NDUFB3: variants seen among roughly 807,000 people sequenced by gnomAD.
NDUFB3 encodes NADH dehydrogenase [ubiquinone] 1 beta subcomplex subunit 3.
NDUFB3 carries 7 observed loss-of-function variants against 9.0 expected under a neutral mutation model. That is an observed-to-expected ratio of 0.78 (90% CI 0.44 to 1.46). The LOEUF is 1.46. Ranked by LOEUF, NDUFB3 falls within the 40% of genes most tolerant of loss-of-function variation. The probability of loss-of-function intolerance (pLI) is 0.01; values close to 1 mark genes in which losing one functional copy is unlikely to be tolerated. For missense variants in NDUFB3, 93 were observed against 115.4 expected, an observed-to-expected ratio of 0.81 and a Z score of 0.89; for synonymous variants, 29 against 38.5, an observed-to-expected ratio of 0.75 and a Z score of 0.91.
chr2:201,077,031 C>T (rs184127907), intron 1 of NDUFB3, among the ~76,000 whole-genome samples: 217 of 151,780 alleles, frequency 1.4e-3, no homozygotes, highest in Middle Eastern at 3.4e-3. Flanking sequence ...ACCCAGGAGG[C>T]GGAGGTTGCA....
chr2:201,078,551 G>A (rs552199011), intron 1 of NDUFB3, among the ~76,000 whole-genome samples: 3 of 152,104 alleles, frequency 2.0e-5, no homozygotes, highest in Admixed American at 2.0e-4. Flanking sequence ...TTGTTTTAGA[G>A]GTATTGGAGT....
intron 1 of NDUFB3, among the ~76,000 whole-genome samples, chr2:201,074,364 A>C (rs548565920): frequency 6.1e-4 from 93 of 152,190 alleles, no homozygotes; most frequent in African/African-American, 2.1e-3. Context: ...CCACATTTCA[A>C]GTGCTAGTGG....
rs1031463402 is a variant in NDUFB3 at position 201,085,677 on chromosome 2, T to G, written c.*62T>G. Reference sequence around the variant, plus strand: ...TCTCCAAAATAAGATTTCTTCTCTGTAGCCTACTTGTCTGGTTTATCCCTT... The same window carrying G: ...TCTCCAAAATAAGATTTCTTCTCTGGAGCCTACTTGTCTGGTTTATCCCTT... On this transcript the variant is annotated 3_prime_UTR_variant, in exon 3 of 3. Coordinates refer to ENST00000237889, the MANE Select transcript of NDUFB3 (RefSeq NM_002491.3). The G allele has an allele frequency of 1.4e-6, 2 of 1,443,110 alleles. No homozygotes were observed. Among genetic ancestry groups the G allele is most frequent in the Admixed American group, 4.1e-5 (2 of 49,254 alleles). 89.4% of individuals were successfully genotyped at this position (1,443,110 alleles called of 1,614,324 possible). A position where few individuals can be genotyped will look rare whatever the true frequency, so the allele number is the denominator to read the frequency against.
chr2:201,074,280 A>T, intron 1 of NDUFB3, among the ~76,000 whole-genome samples: 1 of 151,904 alleles, frequency 6.6e-6, no homozygotes, highest in South Asian at 2.1e-4. Flanking sequence ...ATTTTCTAAT[A>T]ACGATTTGAT....
chr2:201,077,634 C>T (rs1360763472), intron 1 of NDUFB3, among the ~76,000 whole-genome samples: 3 of 152,172 alleles, frequency 2.0e-5, no homozygotes, highest in Non-Finnish European at 2.9e-5. Flanking sequence ...CTTTGAGCTC[C>T]AGTTAAGTAG....
intron 1 of NDUFB3, 170 bp downstream of exon 1, chr2:201,072,229 A>C (rs1299005808): frequency 6.6e-6 from 1 of 152,224 alleles, no homozygotes; most frequent in African/African-American, 2.4e-5. Context: ...TTGGGGTAGG[A>C]AGAGGTGGTT....
intron 2 of NDUFB3, among the ~76,000 whole-genome samples, chr2:201,079,287 G>A (rs2047198898): frequency 6.6e-6 from 1 of 152,124 alleles, no homozygotes; most frequent in Non-Finnish European, 1.5e-5. Flanking sequence ...TGGGATTACA[G>A]GCACGCGCCA....
chr2:201,080,737 C>T (rs2047213189), intron 2 of NDUFB3, among the ~76,000 whole-genome samples: 1 of 131,114 alleles, frequency 7.6e-6, no homozygotes, highest in South Asian at 2.6e-4. Context: ...CAGAGTCTCA[C>T]TCTGTCACCC....
intron 2 of NDUFB3, among the ~76,000 whole-genome samples, chr2:201,083,934 T>A (rs1437751446): frequency 6.6e-6 from 1 of 152,084 alleles, no homozygotes; most frequent in Non-Finnish European, 1.5e-5. Flanking sequence ...GGCAGGCGGA[T>A]CACTTAAGGC....
intron 1 of NDUFB3, among the ~76,000 whole-genome samples, chr2:201,076,484 AATATATATATATATAT>A (rs561737388): frequency 2.5e-5 from 3 of 120,116 alleles, no homozygotes; most frequent in Non-Finnish European, 5.3e-5. Context: ...TCTATCTTTA[AATATATATATATATAT>A]ATATATATAT....
At chr2:201,074,282 C>G (rs201251422) in intron 1 of NDUFB3, among the ~76,000 whole-genome samples, 1 of 151,698 alleles carries the variant, frequency 6.6e-6, no homozygotes, top group South Asian at 2.1e-4. Context: ...TTTCTAATAA[C>G]GATTTGATCA....
At chr2:201,077,220 C>G (rs750513825) in intron 1 of NDUFB3, among the ~76,000 whole-genome samples, 1 of 151,926 alleles carries the variant, frequency 6.6e-6, no homozygotes, top group Non-Finnish European at 1.5e-5. Flanking sequence ...TATAGAATTG[C>G]TACTGCTTGC....
chr2:201,084,163 G>A (rs552292299), intron 2 of NDUFB3, among the ~76,000 whole-genome samples: 9 of 152,182 alleles, frequency 5.9e-5, no homozygotes, highest in East Asian at 1.9e-4. Flanking sequence ...GGTGGTGTGC[G>A]CCTATAATCC....
intron 1 of NDUFB3, among the ~76,000 whole-genome samples, chr2:201,076,484 AATATATATAT>A (rs561737388): frequency 1.5e-4 from 18 of 120,116 alleles, no homozygotes; most frequent in Admixed American, 6.8e-4. Flanking sequence ...TCTATCTTTA[AATATATATAT>A]ATATATATAT....
At chr2:201,072,752 G>GTA (rs2047099523) in intron 1 of NDUFB3, among the ~76,000 whole-genome samples, 1 of 151,984 alleles carries the variant, frequency 6.6e-6, no homozygotes, top group Non-Finnish European at 1.5e-5. Context: ...TTATTGTCAA[G>GTA]TATATATACA....
intron 1 of NDUFB3, among the ~76,000 whole-genome samples, chr2:201,075,609 T>C (rs2047156194): frequency 6.7e-6 from 1 of 149,972 alleles, no homozygotes. Context: ...TAAATTCCTA[T>C]GAAAAGGATA....
At chr2:201,072,658 A>G (rs573861120) in intron 1 of NDUFB3, among the ~76,000 whole-genome samples, 1 of 152,238 alleles carries the variant, frequency 6.6e-6, no homozygotes, top group Non-Finnish European at 1.5e-5. Context: ...CCTTACTGTT[A>G]TTATTTGAGC....
At chr2:201,083,013 G>A (rs1166023426) in intron 2 of NDUFB3, among the ~76,000 whole-genome samples, 2 of 152,096 alleles carry the variant, frequency 1.3e-5, no homozygotes, top group East Asian at 1.9e-4. Context: ...GCGCCCGGCC[G>A]CTAAATTCAC....
chr2:201,074,887 G>C (rs1413084500), intron 1 of NDUFB3, among the ~76,000 whole-genome samples: 1 of 152,126 alleles, frequency 6.6e-6, no homozygotes, highest in East Asian at 1.9e-4. Context: ...TGCAAGGTAG[G>C]TTTTATCTTC....
Sources: allele counts gnomAD v4.1 joint callset (sites outside exome capture counted in the v4.1 genomes callset), GRCh38; gene constraint gnomAD v4.1.1; transcripts MANE v1.5; gene names NCBI Gene and HGNC (gene_info 2026-07-23, HGNC 2026-07-21).